The following RBFA variants were observed in gnomAD, a reference collection of about 807,000 sequenced individuals.
RBFA encodes the protein ribosome binding factor A.
RBFA carries 16 observed loss-of-function variants against 27.9 expected under a neutral mutation model. The observed-to-expected ratio is 0.57, with a 90% CI of 0.39 to 0.87. The LOEUF is 0.87. Among genes scored for constraint, RBFA ranks in the 40% least tolerant of loss-of-function variants. RBFA has a pLI of 0.00. For synonymous variants in RBFA, 181 were observed against 181.0 expected (o/e 1.00, Z 0.00); for missense variants, 456 against 432.1 (o/e 1.06, Z -0.49).
chr18:80,049,441 G>A lies in RBFA; in HGVS notation c.*3286G>A, dbSNP rs1290117792. ...CCGCAGCTCTCCAGATGACGTGCAC[G>A]CACACTAAACACCCAGAAGTTAGGG... On this transcript the variant is annotated 3_prime_UTR_variant, in exon 7 of 7. Coordinates refer to ENST00000306735, the MANE Select transcript of RBFA (RefSeq NM_024805.3). Among the ~76,000 whole-genome samples, 1 of 152,238 alleles carries A rather than the reference G, an allele frequency of 6.6e-6. No homozygotes were observed. Among genetic ancestry groups the A allele is most frequent in the Admixed American group, 6.5e-5 (1 of 15,282 alleles).
At chr18:80,036,837 G>A (rs2051982687) in intron 2 of RBFA, 127 bp downstream of exon 2, 1 of 577,888 alleles carries the variant, frequency 1.7e-6, no homozygotes, top group Non-Finnish European at 3.0e-6. Flanking sequence ...GGATGCGACT[G>A]GATGCCATTG....
chr18:80,042,075 C>T, intron 4 of RBFA, 60 bp from the exon 5 acceptor site: 1 of 1,288,394 alleles, frequency 7.8e-7, no homozygotes, highest in Non-Finnish European at 1.1e-6. Flanking sequence ...TCAGCACTGT[C>T]ACGCCTCTCC....
At position 80,037,438 on chromosome 18, in the gene RBFA, C is replaced by CT. The variant is rs1416906913; in HGVS notation, c.311dup (p.Thr105AspfsTer8). The CT allele has an allele frequency of 6.2e-7, 1 of 1,614,144 alleles. No individual in the cohort carries two copies. The highest frequency in any genetic ancestry group is 8.5e-7 in the Non-Finnish European group (1 of 1,180,014). On this transcript the variant is annotated frameshift_variant, in exon 3 of 7. Transcript: ENST00000306735. LOFTEE classifies it high-confidence loss of function. The stretch of plus-strand genomic sequence containing the variant: ...CCTGAACGGCCTCCTCTATAAGGCA[C>CT]TGACAGACCTGCTGTGTACCCCTGA...
At chr18:80,037,239 C>A in intron 2 of RBFA, 91 bp from the exon 3 acceptor site, 1 of 1,036,712 alleles carries the variant, frequency 9.6e-7, no homozygotes, top group Non-Finnish European at 1.4e-6. Context: ...ATCTGGTTGC[C>A]CATCCAGCCC....
At position 80,048,977 on chromosome 18, in the gene RBFA, C is replaced by T. The variant is rs564790889; in HGVS notation, c.*2822C>T. On this transcript the variant is annotated 3_prime_UTR_variant, in exon 7 of 7. Transcript: ENST00000306735. ...TGCCTCCTAGAAAGTGGAGTGTGGG[C>T]ACGTTTGTAGGGGATCCCACCAGGC... Among the ~76,000 whole-genome samples the T allele has an allele frequency of 6.8e-6, 1 of 147,116 alleles. No individual in the cohort carries two copies. The highest frequency in any genetic ancestry group is 2.5e-5 in the African/African-American group (1 of 39,576).
chr18:80,036,259 A>G (rs955491342), intron 1 of RBFA, among the ~76,000 whole-genome samples: 6 of 152,146 alleles, frequency 3.9e-5, no homozygotes, highest in Non-Finnish European at 4.4e-5. Flanking sequence ...TCGCACTCCA[A>G]TGGTGAGCGT....
intron 6 of RBFA, among the ~76,000 whole-genome samples, chr18:80,044,816 T>TG (rs1250214211): frequency 6.6e-6 from 1 of 152,166 alleles, no homozygotes; most frequent in Admixed American, 6.5e-5. Context: ...GGGGTGTTTG[T>TG]GGGGGGCCCC....
intron 4 of RBFA, among the ~76,000 whole-genome samples, 177 bp downstream of exon 4, chr18:80,038,794 G>A (rs2051998673): frequency 6.6e-6 from 1 of 152,214 alleles, no homozygotes; most frequent in Admixed American, 6.5e-5. Context: ...AAGCTATAAT[G>A]TAGGTTAGCA....
intron 5 of RBFA, 50 bp from the exon 6 acceptor site, chr18:80,044,162 A>G (rs112813161): frequency 3.4e-6 from 5 of 1,466,428 alleles, no homozygotes; most frequent in East Asian, 2.3e-5. Flanking sequence ...GGCTGTAAGT[A>G]TGGTGGTGGG....
intron 5 of RBFA, 47 bp from the exon 6 acceptor site, chr18:80,044,165 G>T (rs748771068): frequency 6.7e-7 from 1 of 1,496,034 alleles, no homozygotes; most frequent in Non-Finnish European, 9.3e-7. Context: ...TGTAAGTATG[G>T]TGGTGGGGAT....
chr18:80,039,246 A>C (rs186124745), intron 4 of RBFA, among the ~76,000 whole-genome samples: 231 of 152,368 alleles, frequency 1.5e-3, no homozygotes, highest in Non-Finnish European at 1.6e-3. Context: ...CTGGATTCCT[A>C]TCAGCCCAGG....
Position 80,045,999 on chromosome 18 carries a change from C to T in RBFA, c.876C>T (p.Leu292=). The T allele has an allele frequency of 1.2e-6, 2 of 1,614,156 alleles. No homozygotes were observed. Among genetic ancestry groups the T allele is most frequent in the Non-Finnish European group, 1.7e-6 (2 of 1,180,044 alleles). ...AKPRLEQDSS[L]KSYLSGEEVE... ...CCCGCCTGGAGCAGGACAGCTCCCTCAAGAGTTACCTGTCAGGCGAGGAGG... is the reference window on the plus strand; with the variant it reads ...CCCGCCTGGAGCAGGACAGCTCCCTTAAGAGTTACCTGTCAGGCGAGGAGG... Residue 292 remains leucine, a synonymous_variant, in exon 7 of 7, where the codon CTC becomes CTT. Coordinates refer to ENST00000306735, the MANE Select transcript of RBFA (RefSeq NM_024805.3).
chr18:80,036,729 C>T lies in RBFA; in HGVS notation c.201+19C>T. ...TCACTCGGTGAGTATAAGCCATGAG[C>T]CACTTTATAATCTTGATGGGAGTGA... On this transcript the variant is annotated intron_variant, in intron 2 of 6. Coordinates refer to ENST00000306735, the MANE Select transcript of RBFA (RefSeq NM_024805.3). 1 of 1,594,960 alleles carries T rather than the reference C, an allele frequency of 6.3e-7. No homozygotes were observed. The highest frequency in any genetic ancestry group is 1.1e-5 in the South Asian group (1 of 89,234).
In RBFA at chr18:80,049,860, T is replaced by G. The variant is rs1454767236; in HGVS notation, c.*3705T>G. 1.3e-5 allele frequency among the ~76,000 whole-genome samples: 2 copies of G among 152,206 alleles called. No homozygotes were observed. The highest frequency in any genetic ancestry group is 2.9e-5 in the Non-Finnish European group (2 of 68,030). ...GCCTTGGCTGTGCATCTGAAACACCTGCTGTTTGAAGACACCTGGGCCTGG... is the reference window on the plus strand; with the variant it reads ...GCCTTGGCTGTGCATCTGAAACACCGGCTGTTTGAAGACACCTGGGCCTGG... On this transcript the variant is annotated 3_prime_UTR_variant, in exon 7 of 7. Coordinates refer to ENST00000306735, the MANE Select transcript of RBFA (RefSeq NM_024805.3).
At chr18:80,039,631 G>A (rs147377640) in intron 4 of RBFA, among the ~76,000 whole-genome samples, 29 of 152,224 alleles carry the variant, frequency 1.9e-4, no homozygotes, top group Admixed American at 5.2e-4. Context: ...TAGGAAACTT[G>A]TATTCACCAC....
At chr18:80,045,699 G>A (rs1361106570) in intron 6 of RBFA, 75 bp from the exon 7 acceptor site, 14 of 1,457,284 alleles carry the variant, frequency 9.6e-6, no homozygotes, top group Non-Finnish European at 1.1e-5. Context: ...GTGATGTGCT[G>A]TTGTGTTGTG....
At chr18:80,038,226 G>C (rs189005588) in intron 3 of RBFA, among the ~76,000 whole-genome samples, 1 of 152,328 alleles carries the variant, frequency 6.6e-6, no homozygotes, top group African/African-American at 2.4e-5. Flanking sequence ...AGGGCAAGTG[G>C]CTGTGAGGCA....
chr18:80,045,982 G>C lies in RBFA; in HGVS notation c.859G>C (p.Glu287Gln). The C allele has an allele frequency of 1.2e-6, 2 of 1,614,182 alleles. No homozygotes were observed. The highest frequency in any genetic ancestry group is 1.7e-6 in the Non-Finnish European group (2 of 1,180,052). ...KGRKRAKPRL[E>Q]QDSSLKSYLS... Reference sequence around the variant, plus strand: ...AAGGAAGAGGGCCAAGCCCCGCCTGGAGCAGGACAGCTCCCTCAAGAGTTA... The same window carrying C: ...AAGGAAGAGGGCCAAGCCCCGCCTGCAGCAGGACAGCTCCCTCAAGAGTTA... Residue 287 changes from glutamate to glutamine, a missense_variant, in exon 7 of 7, where the codon GAG (glutamate) becomes CAG (glutamine). Physicochemically the swap from Glu to Gln is conservative, Grantham distance 29. Transcript: ENST00000306735.
Position 80,047,123 on chromosome 18 carries a change from T to C in RBFA, c.*968T>C, listed in dbSNP as rs960816255. ...GAGTCAGTGTCATCCCTCCAAGCCC[T>C]GGCTCTCTGCCAGTGCAGCAGGGCT... is the stretch of plus-strand genomic sequence containing the variant. On this transcript the variant is annotated 3_prime_UTR_variant, in exon 7 of 7. Transcript: ENST00000306735. The C allele has an allele frequency of 2.0e-5, 3 of 152,278 alleles. No homozygotes were observed. The highest frequency in any genetic ancestry group is 7.2e-5 in the African/African-American group (3 of 41,460). The allele number at this position is 152,278 out of a possible 1,614,324, so 9.4% of individuals were successfully genotyped here. A position where few individuals can be genotyped will look rare whatever the true frequency, so the allele number is the denominator to read the frequency against.
Sources: gnomAD v4.1 joint callset for allele counts (sites outside exome capture counted in the v4.1 genomes callset) on GRCh38, gnomAD v4.1.1 for gene constraint, MANE v1.5 for transcripts, NCBI Gene and HGNC (gene_info 2026-07-23, HGNC 2026-07-21) for gene names.